CSE1L: variants seen among roughly 807,000 people sequenced by gnomAD.
CSE1L encodes the protein exportin-2.
A neutral mutation model predicts 120.4 loss-of-function variants in CSE1L; 24 were observed. The ratio of observed to expected loss-of-function variants is 0.20; its 90% CI spans 0.14 to 0.28. The LOEUF is 0.28. Among genes scored for constraint, CSE1L ranks in the 10% least tolerant of loss-of-function variants. The probability of loss-of-function intolerance (pLI) is 1.00; values close to 1 mark genes in which losing one functional copy is unlikely to be tolerated. For synonymous variants in CSE1L, 402 were observed against 398.3 expected (o/e 1.01, Z -0.11); for missense variants, 830 against 1,145.2 (o/e 0.72, Z 3.97).
chr20:49,063,817 A>G (rs2091870184), intron 3 of CSE1L, among the ~76,000 whole-genome samples: 1 of 152,266 alleles, frequency 6.6e-6, no homozygotes, highest in Non-Finnish European at 1.5e-5. Context: ...AAGAAATCAG[A>G]TACATAAAAC....
chr20:49,072,839 A>C (rs1372221745), intron 10 of CSE1L, 142 bp downstream of exon 10: 8 of 893,784 alleles, frequency 9.0e-6, no homozygotes, highest in Non-Finnish European at 1.1e-5. Flanking sequence ...CAGAAAATGT[A>C]GTATCTGTAA....
At chr20:49,077,504 T>A (rs913232234) in intron 13 of CSE1L, among the ~76,000 whole-genome samples, 1 of 152,164 alleles carries the variant, frequency 6.6e-6, no homozygotes, top group African/African-American at 2.4e-5. Flanking sequence ...TTTCCCCAGA[T>A]CTTGTCCATG....
At chr20:49,056,294 G>A (rs1443031851) in intron 1 of CSE1L, among the ~76,000 whole-genome samples, 2 of 151,888 alleles carry the variant, frequency 1.3e-5, no homozygotes, top group East Asian at 1.9e-4. Context: ...TAGTAGAGAC[G>A]GGATTCACCA....
chr20:49,051,896 A>G (rs2091768755), intron 1 of CSE1L, among the ~76,000 whole-genome samples: 2 of 152,116 alleles, frequency 1.3e-5, no homozygotes, highest in African/African-American at 4.8e-5. Context: ...GGGTCTCACT[A>G]TGTTGCCCAC....
intron 8 of CSE1L, among the ~76,000 whole-genome samples, chr20:49,071,885 G>A (rs981341863): frequency 2.0e-5 from 3 of 149,360 alleles, no homozygotes; most frequent in Non-Finnish European, 3.0e-5. Context: ...GGAGAATGAC[G>A]TGAACCCAGG....
Position 49,089,597 on chromosome 20 carries a change from A to G in CSE1L, c.2032A>G (p.Ile678Val). The G allele has an allele frequency of 6.2e-7, 1 of 1,614,176 alleles. No individual in the cohort carries two copies. The highest frequency in any genetic ancestry group is 1.3e-5 in the African/African-American group (1 of 75,034). ...SLLLETHKNDIPSSYMALFPH... is the reference protein window; with the variant it reads ...SLLLETHKNDVPSSYMALFPH... The stretch of plus-strand genomic sequence containing the variant: ...GCTTCTGGAAACACACAAAAATGAC[A>G]TCCCGTCTTCCTATATGGCCTTATT... Residue 678 changes from isoleucine to valine, a missense_variant, in exon 19 of 25, where the codon ATC becomes GTC. Physicochemically the swap from Ile to Val is conservative, Grantham distance 29 (BLOSUM62 3). This residue lies in a region of CSE1L where 168 missense variants were observed against 267.9 expected (regional missense o/e 0.63). Coordinates refer to ENST00000262982, the MANE Select transcript of CSE1L (RefSeq NM_001316.4).
chr20:49,079,616 A>T (rs2091995169), intron 14 of CSE1L, among the ~76,000 whole-genome samples: 2 of 151,958 alleles, frequency 1.3e-5, no homozygotes, highest in Admixed American at 6.6e-5. Flanking sequence ...TTGCACCTTG[A>T]ATCTCTCAGT....
intron 13 of CSE1L, 65 bp downstream of exon 13, chr20:49,077,129 T>TTCCTA: frequency 1.1e-6 from 1 of 881,622 alleles, no homozygotes; most frequent in Non-Finnish European, 1.8e-6. Flanking sequence ...AAAAAACAGC[T>TTCCTA]TCCTATCCTT....
chr20:49,088,276 G>A (rs546932506), intron 17 of CSE1L, among the ~76,000 whole-genome samples, 170 bp downstream of exon 17: 49 of 152,314 alleles, frequency 3.2e-4, no homozygotes, highest in Admixed American at 1.1e-3. Context: ...GATTGGAGAC[G>A]TAATAGCAGT....
rs1253806578 is a variant in CSE1L at position 49,084,099 on chromosome 20, A to G, written c.1556A>G (p.His519Arg). The G allele has an allele frequency of 6.2e-7, 1 of 1,614,088 alleles. No homozygotes were observed. The highest frequency in any genetic ancestry group is 2.2e-5 in the East Asian group (1 of 44,874). Residue 519 changes from histidine to arginine, a missense_variant, in exon 15 of 25, where the codon CAT (histidine) becomes CGT (arginine). By Grantham distance (29) the His-to-Arg change is conservative (BLOSUM62 0). This residue lies in a region of CSE1L where 543 missense variants were observed against 640.2 expected (regional missense o/e 0.85). Transcript: ENST00000262982. ...NHLQAESIVV[H>R]TYAAHALERL... ...CTTCAAGCTGAAAGTATTGTTGTTCATACTTACGCAGCTCATGCTCTTGAA... is the reference window on the plus strand; with the variant it reads ...CTTCAAGCTGAAAGTATTGTTGTTCGTACTTACGCAGCTCATGCTCTTGAA...
intron 1 of CSE1L, among the ~76,000 whole-genome samples, chr20:49,047,453 G>A (rs1042032434): frequency 6.6e-6 from 1 of 151,530 alleles, no homozygotes; most frequent in Non-Finnish European, 1.5e-5. Flanking sequence ...GTTTGCTGGG[G>A]AAGTACCAAC....
At chr20:49,060,480 G>GA (rs144821911) in intron 2 of CSE1L, among the ~76,000 whole-genome samples, 46,581 of 125,678 alleles carry the variant, frequency 0.37, 8,533 homozygotes, top group Middle Eastern at 0.55. Context: ...CGTCTCAAAA[G>GA]AAAAAAAAAA....
At chr20:49,091,118 T>C (rs1568788159) in intron 21 of CSE1L, 96 bp downstream of exon 21, 2 of 916,972 alleles carry the variant, frequency 2.2e-6, no homozygotes, top group Non-Finnish European at 3.4e-6. Context: ...TTATCCGTTT[T>C]AAACTTTATG....
At chr20:49,083,905 TATAAC>T (rs1226932613) in intron 14 of CSE1L, 116 bp from the exon 15 acceptor site, 1 of 1,024,954 alleles carries the variant, frequency 9.8e-7, no homozygotes, top group Non-Finnish European at 1.4e-6. Flanking sequence ...CATCTCCTAT[TATAAC>T]AGAGCTTAAA....
In CSE1L at chr20:49,077,028, G is replaced by C. The variant is rs539487441; in HGVS notation, c.1384G>C (p.Val462Leu). 1 of 1,607,080 alleles carries C rather than the reference G, an allele frequency of 6.2e-7. No homozygotes were observed. The highest frequency in any genetic ancestry group is 1.1e-5 in the South Asian group (1 of 89,166). ...ACTTGTAAACCTAACTGAGTTCTTT[G>C]TGAATCACATCCTCCCTGATTTAAA... ...NELVNLTEFFVNHILPDLKSA... is the reference protein window; with the variant it reads ...NELVNLTEFFLNHILPDLKSA... The change falls in exon 13 of 25, where the codon GTG (valine) becomes CTG (leucine). Residue 462 changes from valine to leucine, a missense_variant. Transcript: ENST00000262982.
chr20:49,084,488 C>T (rs2092038114), intron 15 of CSE1L, among the ~76,000 whole-genome samples: 1 of 152,074 alleles, frequency 6.6e-6, no homozygotes, highest in Non-Finnish European at 1.5e-5. Flanking sequence ...AAGAGGGAAA[C>T]TTGGGAAGTT....
chr20:49,065,037 A>G (rs958887152), intron 3 of CSE1L, among the ~76,000 whole-genome samples: 6 of 151,296 alleles, frequency 4.0e-5, no homozygotes, highest in Admixed American at 1.3e-4. Flanking sequence ...TGTGGTGTGC[A>G]TCTGTGGTCC....
At chr20:49,056,610 T>C (rs375012781) in intron 1 of CSE1L, among the ~76,000 whole-genome samples, 78 of 152,268 alleles carry the variant, frequency 5.1e-4, no homozygotes, top group African/African-American at 1.7e-3. Context: ...TAAAGCTCAA[T>C]TGATAAGATT....
At chr20:49,058,241 C>T (rs751840055) in intron 1 of CSE1L, among the ~76,000 whole-genome samples, 2 of 151,720 alleles carry the variant, frequency 1.3e-5, no homozygotes, top group Non-Finnish European at 2.9e-5. Context: ...TTTCATCTCC[C>T]TTATCACAAA....
Sources: allele counts gnomAD v4.1 joint callset (sites outside exome capture counted in the v4.1 genomes callset), GRCh38; gene constraint gnomAD v4.1.1; regional missense constraint gnomAD v4.1.1; transcripts MANE v1.5; gene names NCBI Gene and HGNC (gene_info 2026-07-23, HGNC 2026-07-21).